The following DACH1 variants were observed in gnomAD, a reference collection of about 807,000 sequenced individuals.
The protein encoded by DACH1 is dachshund family transcription factor 1.
Under a neutral mutation model 54.2 loss-of-function variants are expected in DACH1, and 12 were observed. The ratio of observed to expected loss-of-function variants is 0.22; its 90% confidence interval spans 0.14 to 0.36. DACH1 has a LOEUF of 0.36. DACH1 is among the 10% of genes least tolerant of loss of function. The pLI is 1.00. For missense variants in DACH1, 805 were observed against 929.8 expected (o/e 0.87, Z 1.75); for synonymous variants, 386 against 366.2 (o/e 1.05, Z -0.62).
chr13:71,829,558 A>G (rs1057228275), intron 1 of DACH1, among the ~76,000 whole-genome samples: 3 of 151,920 alleles, frequency 2.0e-5, no homozygotes, highest in African/African-American at 7.2e-5. Context: ...TTTAAATTCT[A>G]AACAAGTAAT....
chr13:71,574,270 A>G (rs897213556), intron 3 of DACH1, among the ~76,000 whole-genome samples: 8 of 152,170 alleles, frequency 5.3e-5, no homozygotes, highest in Admixed American at 3.9e-4. Context: ...AGGTGTTTAT[A>G]AATCATTTCA....
At chr13:71,488,957 T>C in intron 7 of DACH1, 40 bp downstream of exon 7, 1 of 1,581,694 alleles carries the variant, frequency 6.3e-7, no homozygotes, top group Non-Finnish European at 8.6e-7. Flanking sequence ...TACAACAGGG[T>C]GTTCCATATG....
At chr13:71,446,936 A>G (rs1046642409) in intron 10 of DACH1, among the ~76,000 whole-genome samples, 1 of 152,240 alleles carries the variant, frequency 6.6e-6, no homozygotes, top group Non-Finnish European at 1.5e-5. Context: ...AACTTTGTGC[A>G]TGGGAGTACT....
intron 1 of DACH1, among the ~76,000 whole-genome samples, chr13:71,794,622 G>T (rs192201806): frequency 3.1e-3 from 477 of 152,246 alleles, no homozygotes; most frequent in African/African-American, 0.011. Context: ...AGTTTTAGTA[G>T]AGATGGGGTT....
chr13:71,723,682 T>TTTTTGTTTTG (rs112149480), intron 1 of DACH1, among the ~76,000 whole-genome samples: 3 of 152,088 alleles, frequency 2.0e-5, no homozygotes, highest in East Asian at 3.9e-4. Flanking sequence ...TTGTTTTGCT[T>TTTTTGTTTTG]TTTTGTTTTG....
intron 1 of DACH1, chr13:71,704,336 C>T: frequency 2.4e-6 from 1 of 417,884 alleles, no homozygotes; most frequent in Admixed American, 2.6e-5. Flanking sequence ...AGGAATGCTC[C>T]ACAGGTGTTA....
chr13:71,610,114 G>T (rs1875205593), intron 3 of DACH1, among the ~76,000 whole-genome samples: 1 of 152,028 alleles, frequency 6.6e-6, no homozygotes, highest in Admixed American at 6.6e-5. Context: ...AAATGTTCTT[G>T]TTTGCAGTGG....
At chr13:71,801,574 T>C (rs1292316163) in intron 1 of DACH1, among the ~76,000 whole-genome samples, 1 of 152,098 alleles carries the variant, frequency 6.6e-6, no homozygotes, top group Non-Finnish European at 1.5e-5. Context: ...CGGTTCCAAG[T>C]GATACACTGA....
Position 71,866,317 on chromosome 13 carries a change from GCTGCTGCTGCTGCTGCTA to G in DACH1, c.435_452del (p.Ser158_Ser163del). ...TACTGCTGCTGCTGCTACTACTGCT[GCTGCTGCTGCTGCTGCTA>G]CTGCTGCTGCTGCTGCTGCCGGTGC... On this transcript the variant is annotated inframe_deletion, in exon 1 of 11. Coordinates refer to ENST00000613252, the MANE Select transcript of DACH1 (RefSeq NM_080759.6). The G allele has an allele frequency of 1.4e-5, 22 of 1,542,734 alleles. No individual in the cohort carries two copies. The highest frequency in any genetic ancestry group is 2.5e-5 in the East Asian group (1 of 40,700).
chr13:71,536,373 A>G (rs1448693148), intron 6 of DACH1, among the ~76,000 whole-genome samples: 2 of 152,084 alleles, frequency 1.3e-5, no homozygotes, highest in African/African-American at 4.8e-5. Flanking sequence ...CTGAAATCTC[A>G]TATCTAGTGA....
At chr13:71,518,123 G>A (rs563919159) in intron 6 of DACH1, among the ~76,000 whole-genome samples, 2 of 151,956 alleles carry the variant, frequency 1.3e-5, no homozygotes, top group East Asian at 1.9e-4. Flanking sequence ...TCAAATTGAT[G>A]TGTTGAAGCT....
intron 2 of DACH1, among the ~76,000 whole-genome samples, chr13:71,634,467 C>T (rs367941343): frequency 1.3e-5 from 2 of 152,082 alleles, no homozygotes; most frequent in Non-Finnish European, 2.9e-5. Flanking sequence ...GACTTCATTC[C>T]TTCTTTTAAG....
chr13:71,512,440 GA>G (rs1880850798), intron 6 of DACH1, among the ~76,000 whole-genome samples: 1 of 151,846 alleles, frequency 6.6e-6, no homozygotes, highest in African/African-American at 2.4e-5. Flanking sequence ...GAGATAACAG[GA>G]AAACACAAAA....
intron 1 of DACH1, among the ~76,000 whole-genome samples, chr13:71,818,384 G>A (rs1030423140): frequency 2.0e-5 from 3 of 152,148 alleles, no homozygotes; most frequent in Non-Finnish European, 4.4e-5. Context: ...CTCAGTGAAT[G>A]CAACACCAGA....
chr13:71,532,994 A>C (rs1882513935), intron 6 of DACH1, among the ~76,000 whole-genome samples: 2 of 151,888 alleles, frequency 1.3e-5, no homozygotes, highest in Non-Finnish European at 2.9e-5. Context: ...CATGTAGGAG[A>C]TATTTTTATC....
chr13:71,587,058 C>T lies in DACH1; in HGVS notation c.1127-14046G>A, dbSNP rs79496622. Among the ~76,000 whole-genome samples, 704 of 152,044 alleles carry T rather than the reference C, an allele frequency of 4.6e-3. 3 individuals carry two copies. The highest frequency in any genetic ancestry group is 0.02 in the Middle Eastern group (6 of 294). ...CTGCTTTTAAAAATTCAAAAAAGCC[C>T]CAATAGCAAATGTCATTTCTTTCCA... On this transcript the variant is annotated intron_variant, in intron 3 of 10. Transcript: ENST00000613252.
intron 7 of DACH1, among the ~76,000 whole-genome samples, chr13:71,485,590 T>C (rs1878431893): frequency 7.2e-6 from 1 of 139,762 alleles, no homozygotes; most frequent in Non-Finnish European, 1.6e-5. Flanking sequence ...TTTTTTTTTT[T>C]TTTTTTTTTT....
At chr13:71,595,869 A>G (rs561517643) in intron 3 of DACH1, among the ~76,000 whole-genome samples, 2 of 152,226 alleles carry the variant, frequency 1.3e-5, no homozygotes, top group East Asian at 3.9e-4. Context: ...TCACATTGAG[A>G]TTAAGGTTTC....
At chr13:71,447,579 A>C (rs1032374722) in intron 10 of DACH1, among the ~76,000 whole-genome samples, 10 of 152,134 alleles carry the variant, frequency 6.6e-5, no homozygotes, top group African/African-American at 2.4e-4. Context: ...CACACCCGTA[A>C]TCCCAGCACT....
Sources: allele counts gnomAD v4.1 joint callset (sites outside exome capture counted in the v4.1 genomes callset), GRCh38; gene constraint gnomAD v4.1.1; transcripts MANE v1.5; gene names NCBI Gene and HGNC (gene_info 2026-07-23, HGNC 2026-07-21).